EML6: variants seen among roughly 807,000 people sequenced by gnomAD.
EML6 encodes the protein echinoderm microtubule-associated protein-like 6.
EML6 carries 154 observed loss-of-function variants against 240.1 expected under a neutral mutation model. The observed-to-expected ratio is 0.64, with a 90% CI of 0.56 to 0.73. EML6 has a LOEUF of 0.73. Ranked by LOEUF, EML6 falls within the 30% of genes least tolerant of loss-of-function variation. The pLI is 0.00. For missense variants in EML6, 2,964 were observed against 2,474.6 expected (o/e 1.20, Z -4.20); for synonymous variants, 1,148 against 899.0 (o/e 1.28, Z -4.95).
At chr2:54,903,538 G>A (rs1359741396) in intron 24 of EML6, 36 bp downstream of exon 24, 4 of 1,458,338 alleles carry the variant, frequency 2.7e-6, no homozygotes, top group South Asian at 1.3e-5. Context: ...TAGAATTTCT[G>A]TGTTTAAAAA....
At chr2:54,758,273 G>A (rs1255531936) in intron 2 of EML6, among the ~76,000 whole-genome samples, 1 of 152,108 alleles carries the variant, frequency 6.6e-6, no homozygotes, top group Non-Finnish European at 1.5e-5. Flanking sequence ...TGTGTCTCCT[G>A]AGTCTTCCTT....
intron 17 of EML6, chr2:54,882,873 A>AAG (rs1553406055): frequency 3.6e-5 from 4 of 112,412 alleles, no homozygotes; most frequent in South Asian, 3.2e-4. Flanking sequence ...AAAAAAAAAA[A>AAG]AGAAAGCTTA....
chr2:54,760,528 T>G (rs899443870), intron 2 of EML6, among the ~76,000 whole-genome samples: 5 of 152,110 alleles, frequency 3.3e-5, no homozygotes, highest in African/African-American at 1.2e-4. Context: ...GTATGCCCAT[T>G]TTCAGTTTCA....
At position 54,725,234 on chromosome 2, in the gene EML6, T is replaced by G; in HGVS notation, c.173T>G (p.Leu58Arg). The G allele has an allele frequency of 6.7e-7, 1 of 1,488,768 alleles. No homozygotes were observed. The highest frequency in any genetic ancestry group is 9.0e-7 in the Non-Finnish European group (1 of 1,114,258). The allele number at this position is 1,488,768 out of a possible 1,614,324, so 92.2% of individuals were successfully genotyped here. ...NTREHSQKFF[L>R]GHNDDIISLA... ...CGCGAGCACAGCCAAAAATTCTTCC[T>G]GGGACACAACGACGACATTATCAGG... is the stretch of plus-strand genomic sequence containing the variant. Residue 58 changes from leucine to arginine, a missense_variant, in exon 2 of 42, where the codon CTG (leucine) becomes CGG (arginine). Transcript: ENST00000356458. This position sits in a 1 kb window ranked among gnomAD's most constrained non-coding sequence, Gnocchi z 4.3.
intron 7 of EML6, among the ~76,000 whole-genome samples, chr2:54,843,111 TTC>T (rs1558601712): frequency 6.6e-6 from 1 of 152,234 alleles, no homozygotes; most frequent in Non-Finnish European, 1.5e-5. Flanking sequence ...GAACTGATTC[TTC>T]TCTGATAGCA....
chr2:54,853,375 G>C (rs569046379), intron 10 of EML6, among the ~76,000 whole-genome samples: 1 of 152,178 alleles, frequency 6.6e-6, no homozygotes, highest in East Asian at 1.9e-4. Flanking sequence ...GAAATTCTGT[G>C]ACATTCATAG....
At chr2:54,916,722 T>C (rs1414301589) in intron 25 of EML6, 37 bp from the exon 26 acceptor site, 5 of 1,450,274 alleles carry the variant, frequency 3.4e-6, no homozygotes, top group South Asian at 1.4e-5. Flanking sequence ...ACAAACTAGG[T>C]TGTGCAAAAA....
chr2:54,920,040 C>A (rs910034462), intron 26 of EML6, among the ~76,000 whole-genome samples: 1 of 152,068 alleles, frequency 6.6e-6, no homozygotes, highest in Non-Finnish European at 1.5e-5. Context: ...AACCTAAATT[C>A]TGTAATTTAA....
intron 2 of EML6, among the ~76,000 whole-genome samples, chr2:54,735,261 A>T (rs1389675443): frequency 6.6e-6 from 1 of 152,112 alleles, no homozygotes; most frequent in African/African-American, 2.4e-5. Context: ...TTGTTGACTT[A>T]CCCATGTTTC....
intron 2 of EML6, among the ~76,000 whole-genome samples, chr2:54,766,862 G>A (rs559333242): frequency 1.4e-4 from 22 of 151,904 alleles, no homozygotes; most frequent in African/African-American, 4.6e-4. Context: ...AATTGTCTTC[G>A]TCATTATATG....
At chr2:54,856,634 G>T (rs529480452) in intron 11 of EML6, among the ~76,000 whole-genome samples, 1 of 152,208 alleles carries the variant, frequency 6.6e-6, no homozygotes, top group Non-Finnish European at 1.5e-5. Flanking sequence ...GCAGAAGCAG[G>T]AAGGCCAGTG....
intron 28 of EML6, among the ~76,000 whole-genome samples, chr2:54,932,612 C>A (rs1224826341): frequency 1.3e-5 from 2 of 152,094 alleles, no homozygotes; most frequent in Admixed American, 6.5e-5. Context: ...TTAATTGATA[C>A]TTTAAATATC....
intron 26 of EML6, among the ~76,000 whole-genome samples, chr2:54,927,137 ACT>A (rs1674590716): frequency 6.6e-6 from 1 of 152,020 alleles, no homozygotes; most frequent in African/African-American, 2.4e-5. Context: ...CAAACTAATG[ACT>A]CTGGAGGGCC....
intron 17 of EML6, among the ~76,000 whole-genome samples, chr2:54,889,621 G>A (rs545153234): frequency 4.0e-5 from 6 of 151,568 alleles, no homozygotes; most frequent in African/African-American, 1.2e-4. Context: ...TATTGATTTG[G>A]TATTCAATTT....
At position 54,964,176 on chromosome 2, in the gene EML6, C is replaced by A. The variant is rs757510834; in HGVS notation, c.5330+18C>A. The A allele has an allele frequency of 2.6e-6, 4 of 1,549,490 alleles. No homozygotes were observed. The South Asian group carries it at 3.6e-5, about 14-fold the overall frequency. On this transcript the variant is annotated intron_variant, in intron 37 of 41. Transcript: ENST00000356458. ...GATATCAGGTACCTAAGTGGGTGGT[C>A]TGGGCATGGAGGAGAAAGGCAAGCA...
chr2:54,967,185 G>A, intron 39 of EML6, 82 bp downstream of exon 39: 2 of 913,968 alleles, frequency 2.2e-6, no homozygotes, highest in Non-Finnish European at 3.4e-6. Context: ...CCAAGTCTGT[G>A]CAGGATCTGA....
intron 19 of EML6, among the ~76,000 whole-genome samples, chr2:54,894,433 A>T (rs939286461): frequency 1.3e-5 from 2 of 152,232 alleles, no homozygotes; most frequent in African/African-American, 4.8e-5. Context: ...CATTATATAA[A>T]GTACCTAAGC....
At position 54,970,405 on chromosome 2, in the gene EML6, G is replaced by T. The variant is rs566871420; in HGVS notation, c.*310G>T. On this transcript the variant is annotated 3_prime_UTR_variant, in exon 42 of 42. Coordinates refer to ENST00000356458, the MANE Select transcript of EML6 (RefSeq NM_001039753.4). ...CTATCTGATAATGTAGCCCGCTGACGAATTTTGAAGCCTCGGTTACCCTAA... is the reference window on the plus strand; with the variant it reads ...CTATCTGATAATGTAGCCCGCTGACTAATTTTGAAGCCTCGGTTACCCTAA... 1.7e-5 allele frequency: 6 copies of T among 346,430 alleles called. No individual in the cohort carries two copies. The highest frequency in any genetic ancestry group is 1.2e-4 in the Admixed American group (3 of 24,102). The allele number at this position is 346,430 out of a possible 1,614,324, so 21.5% of individuals were successfully genotyped here.
chr2:54,780,193 T>G (rs915923774), intron 2 of EML6, among the ~76,000 whole-genome samples: 1 of 152,186 alleles, frequency 6.6e-6, no homozygotes, highest in Non-Finnish European at 1.5e-5. Context: ...AATAACACAA[T>G]GAAATGCCTT....
Sources: allele counts gnomAD v4.1 joint callset (sites outside exome capture counted in the v4.1 genomes callset), GRCh38; gene constraint gnomAD v4.1.1; non-coding constraint Gnocchi (gnomAD v3.1); transcripts MANE v1.5; gene names NCBI Gene and HGNC (gene_info 2026-07-23, HGNC 2026-07-21).